Variants in ATRNL1 observed in about 807,000 individuals in gnomAD.
The protein encoded by ATRNL1 is attractin like 1, also known as attractin-like protein 1.
ATRNL1 carries 95 observed loss-of-function variants against 182.7 expected under a neutral mutation model. The ratio of observed to expected loss-of-function variants is 0.52; its 90% confidence interval spans 0.44 to 0.62. The LOEUF (loss-of-function observed/expected upper bound fraction) is 0.62. ATRNL1 is among the 20% of genes least tolerant of loss of function. The probability of loss-of-function intolerance (pLI) is 0.00; values close to 1 mark genes in which losing one functional copy is unlikely to be tolerated. For synonymous variants in ATRNL1, 576 were observed against 568.3 expected, an observed-to-expected ratio of 1.01 and a Z score of -0.19; for missense variants, 1,471 against 1,679.5, an observed-to-expected ratio of 0.88 and a Z score of 2.17.
chr10:115,404,832 T>TTTA (rs33982285), intron 20 of ATRNL1, among the ~76,000 whole-genome samples: 2 of 151,556 alleles, frequency 1.3e-5, no homozygotes, highest in African/African-American at 4.8e-5. Context: ...TTTTTTTTTT[T>TTTA]AAATCAAAGC....
At chr10:115,332,644 T>A (rs1410122065) in intron 18 of ATRNL1, among the ~76,000 whole-genome samples, 2 of 152,220 alleles carry the variant, frequency 1.3e-5, no homozygotes, top group Non-Finnish European at 2.9e-5. Context: ...CTTTCTATAA[T>A]GTGTTACAAT....
intron 27 of ATRNL1, among the ~76,000 whole-genome samples, chr10:115,835,392 A>G (rs1415316106): frequency 6.6e-6 from 1 of 152,194 alleles, no homozygotes; most frequent in East Asian, 1.9e-4. Flanking sequence ...TGACCTAGCC[A>G]TGGAGTTAGC....
At chr10:115,572,954 C>T (rs1019805407) in intron 26 of ATRNL1, among the ~76,000 whole-genome samples, 1 of 152,090 alleles carries the variant, frequency 6.6e-6, no homozygotes, top group Non-Finnish European at 1.5e-5. Context: ...GGCTCCAACT[C>T]CACTGTAGTG....
At chr10:115,917,476 A>AAG (rs1214170619) in intron 28 of ATRNL1, among the ~76,000 whole-genome samples, 1 of 12,180 alleles carries the variant, frequency 8.2e-5, no homozygotes, top group Non-Finnish European at 5.3e-4. Context: ...TCTCAAAAAA[A>AAG]AAAAAAAAAG....
intron 24 of ATRNL1, among the ~76,000 whole-genome samples, chr10:115,474,709 A>G (rs1848455138): frequency 6.6e-6 from 1 of 151,444 alleles, no homozygotes; most frequent in Admixed American, 6.6e-5. Flanking sequence ...AGTGTTATAT[A>G]AACACAAAGT....
intron 28 of ATRNL1, among the ~76,000 whole-genome samples, chr10:115,938,911 G>C (rs1366270465): frequency 6.6e-6 from 1 of 152,114 alleles, no homozygotes; most frequent in Non-Finnish European, 1.5e-5. Context: ...AGTTAGACTG[G>C]AGGAATAAGT....
chr10:115,557,692 G>T (rs1853393050), intron 26 of ATRNL1, among the ~76,000 whole-genome samples: 1 of 152,278 alleles, frequency 6.6e-6, no homozygotes, highest in South Asian at 2.1e-4. Flanking sequence ...ATGGCAGCAA[G>T]AGGATCCCCT....
chr10:115,833,764 A>C (rs1555094514), intron 27 of ATRNL1, among the ~76,000 whole-genome samples: 1 of 152,180 alleles, frequency 6.6e-6, no homozygotes, highest in African/African-American at 2.4e-5. Context: ...TCTAGGCAAT[A>C]ATGTACCAGA....
At chr10:115,604,363 T>C (rs1856767324) in intron 26 of ATRNL1, among the ~76,000 whole-genome samples, 1 of 152,116 alleles carries the variant, frequency 6.6e-6, no homozygotes, top group Non-Finnish European at 1.5e-5. Context: ...AGGTATATCC[T>C]TTTCGAGTTT....
At chr10:115,146,288 C>T (rs1484525660) in intron 5 of ATRNL1, among the ~76,000 whole-genome samples, 1 of 151,976 alleles carries the variant, frequency 6.6e-6, no homozygotes, top group African/African-American at 2.4e-5. Flanking sequence ...ATCAAAAAGT[C>T]TAAAATCCTG....
intron 9 of ATRNL1, among the ~76,000 whole-genome samples, chr10:115,223,125 CA>C (rs1554897837): frequency 6.6e-6 from 1 of 151,964 alleles, no homozygotes; most frequent in East Asian, 1.9e-4. Context: ...ACTAAAAATA[CA>C]AAAAATTAGC....
chr10:115,892,526 A>G (rs1952104812), intron 28 of ATRNL1, among the ~76,000 whole-genome samples: 1 of 152,182 alleles, frequency 6.6e-6, no homozygotes, highest in South Asian at 2.1e-4. Flanking sequence ...TAGGCTAGCA[A>G]TATTTCATGC....
intron 24 of ATRNL1, among the ~76,000 whole-genome samples, chr10:115,485,520 G>C (rs1432954844): frequency 6.6e-6 from 1 of 151,836 alleles, no homozygotes; most frequent in East Asian, 1.9e-4. Context: ...AACATTTTTT[G>C]AGAATACAAC....
chr10:115,934,310 C>T (rs1354953739), intron 28 of ATRNL1, among the ~76,000 whole-genome samples: 2 of 152,170 alleles, frequency 1.3e-5, no homozygotes, highest in Non-Finnish European at 2.9e-5. Flanking sequence ...AGCTAACATT[C>T]CCCACCTATA....
chr10:115,715,245 A>C (rs541662115), intron 26 of ATRNL1, among the ~76,000 whole-genome samples: 2 of 152,334 alleles, frequency 1.3e-5, no homozygotes, highest in Non-Finnish European at 2.9e-5. Context: ...AAGGAGGGTC[A>C]AGTTTTGGGT....
At chr10:115,591,199 G>C (rs999686866) in intron 26 of ATRNL1, among the ~76,000 whole-genome samples, 2 of 152,188 alleles carry the variant, frequency 1.3e-5, no homozygotes, top group Non-Finnish European at 2.9e-5. Flanking sequence ...GAGATCTCTG[G>C]TTTGGAGATA....
At chr10:115,320,107 G>A (rs927409698) in intron 18 of ATRNL1, among the ~76,000 whole-genome samples, 2 of 151,716 alleles carry the variant, frequency 1.3e-5, no homozygotes, top group Non-Finnish European at 2.9e-5. Flanking sequence ...AAATCCCTTA[G>A]CATTTGCTTG....
rs145055308 is a variant in ATRNL1, at chr10:115,943,713, A to C, written c.4019-945A>C. Among the ~76,000 whole-genome samples, 136 of 152,308 alleles carry C rather than the reference A, an allele frequency of 8.9e-4. 2 individuals are homozygous for C. The highest frequency in any genetic ancestry group is 3.2e-3 in the African/African-American group (133 of 41,570). On this transcript the variant is annotated intron_variant, in intron 28 of 28. Transcript: ENST00000355044. ...ATTGAAATGTTATGTTCACATAAAA[A>C]CCTGCACACAGATGTTTTTAACAGC...
At chr10:115,646,481 G>T (rs1565244977) in intron 26 of ATRNL1, among the ~76,000 whole-genome samples, 1 of 152,148 alleles carries the variant, frequency 6.6e-6, no homozygotes, top group African/African-American at 2.4e-5. Flanking sequence ...TAAAGAGACA[G>T]TGGAGAAGGC....
Sources: allele counts gnomAD v4.1 joint callset (sites outside exome capture counted in the v4.1 genomes callset), GRCh38; gene constraint gnomAD v4.1.1; transcripts MANE v1.5; gene names NCBI Gene and HGNC (gene_info 2026-07-23, HGNC 2026-07-21).